TENM3: variants seen among roughly 807,000 people sequenced by gnomAD.
The protein encoded by TENM3 is teneurin-3.
A neutral mutation model predicts 255.1 loss-of-function variants in TENM3; 63 were observed. That is an observed-to-expected ratio of 0.25 (90% CI 0.20 to 0.30). The LOEUF (loss-of-function observed/expected upper bound fraction) is 0.30, where lower values mean the gene tolerates loss of function less well. TENM3 is among the 10% of genes least tolerant of loss of function. The pLI is 1.00. For synonymous variants in TENM3, 1,306 were observed against 1,322.3 expected (o/e 0.99, Z 0.27); for missense variants, 2,929 against 3,461.1 (o/e 0.85, Z 3.86).
In TENM3 at chr4:182,748,315, G is replaced by A. The variant is rs145059684; in HGVS notation, c.3630-3485G>A. 3.8e-3 allele frequency among the ~76,000 whole-genome samples: 579 copies of A among 152,196 alleles called. 7 individuals are homozygous for A. The highest frequency in any genetic ancestry group is 0.013 in the African/African-American group (550 of 41,520). On this transcript the variant is annotated intron_variant, in intron 19 of 27. Coordinates refer to ENST00000511685, the MANE Select transcript of TENM3 (RefSeq NM_001080477.4). ...CACATGAGAATGCTGCTGTGCTTCCGCTCAGCAGAGATTTCCCAAAACCAA... is the reference window on the plus strand; with the variant it reads ...CACATGAGAATGCTGCTGTGCTTCCACTCAGCAGAGATTTCCCAAAACCAA...
the TENM3 span, among the ~76,000 whole-genome samples, chr4:181,840,465 G>A: frequency 6.6e-6 from 1 of 152,054 alleles, no homozygotes; most frequent in Non-Finnish European, 1.5e-5. Context: ...AGCACTACCA[G>A]TCTGAGTCTA....
At chr4:182,535,689 A>G (rs1224291902) in intron 3 of TENM3, among the ~76,000 whole-genome samples, 1 of 151,948 alleles carries the variant, frequency 6.6e-6, no homozygotes, top group Non-Finnish European at 1.5e-5. Context: ...GAAGTGAGCT[A>G]TGATCGCGCC....
At chr4:182,143,190 C>G (rs1749599646), upstream of TENM3, 1 of 167,196 alleles carries the variant, frequency 6.0e-6, no homozygotes, top group Admixed American at 6.5e-5. This position sits in a 1 kb window ranked among gnomAD's most constrained non-coding sequence, Gnocchi z 4.3. Context: ...GGGAGTGGAG[C>G]CTTCGGAGGA....
the TENM3 span, among the ~76,000 whole-genome samples, chr4:181,488,683 G>A: frequency 6.6e-6 from 1 of 151,788 alleles, no homozygotes; most frequent in African/African-American, 2.4e-5. Context: ...CAAATTTCTC[G>A]GTAAGTCGGC....
At chr4:182,766,393 CA>C in intron 22 of TENM3, among the ~76,000 whole-genome samples, 1 of 152,084 alleles carries the variant, frequency 6.6e-6, no homozygotes. Flanking sequence ...AAAAAAAAGA[CA>C]GACTGTCTTA....
At chr4:182,475,634 A>G (rs1031894768) in intron 3 of TENM3, among the ~76,000 whole-genome samples, 1 of 152,372 alleles carries the variant, frequency 6.6e-6, no homozygotes, top group Admixed American at 6.5e-5. Flanking sequence ...CAGAACATCT[A>G]TCTGCATACA....
intron 3 of TENM3, among the ~76,000 whole-genome samples, chr4:182,390,136 C>T (rs1182656343): frequency 1.3e-5 from 2 of 152,074 alleles, no homozygotes; most frequent in East Asian, 3.9e-4. Context: ...AAGGGGATCC[C>T]GGGTGGGTCA....
intron 7 of TENM3, among the ~76,000 whole-genome samples, chr4:182,673,690 G>A (rs754381471): frequency 2.0e-5 from 3 of 152,158 alleles, no homozygotes; most frequent in African/African-American, 4.8e-5. Context: ...ATGATGACAT[G>A]AGCTTTATCA....
chr4:181,669,558 TC>T, the TENM3 span, among the ~76,000 whole-genome samples: 92 of 152,296 alleles, frequency 6.0e-4, 3 homozygotes, highest in South Asian at 0.018. Context: ...AAGGAGGGTT[TC>T]TTCCCCTTCT....
the TENM3 span, among the ~76,000 whole-genome samples, chr4:182,086,751 C>G: frequency 6.6e-6 from 1 of 152,120 alleles, no homozygotes; most frequent in South Asian, 2.1e-4. Flanking sequence ...CTTTTGTTTT[C>G]TTTTTGGTTT....
chr4:181,470,125 A>AAAAAAAAAAAAAAAACTT, the TENM3 span, among the ~76,000 whole-genome samples: 1 of 150,564 alleles, frequency 6.6e-6, no homozygotes, highest in African/African-American at 2.4e-5. Context: ...AAAAAAAAAA[A>AAAAAAAAAAAAAAAACTT]CATTATTCAA....
At chr4:182,001,801 C>CT in the TENM3 span, among the ~76,000 whole-genome samples, 14 of 151,964 alleles carry the variant, frequency 9.2e-5, 1 homozygote, top group South Asian at 2.9e-3. Context: ...GAAAAATGGC[C>CT]TTTTTTCTAA....
intron 22 of TENM3, among the ~76,000 whole-genome samples, chr4:182,759,556 G>A (rs911829989): frequency 2.6e-5 from 4 of 152,138 alleles, no homozygotes; most frequent in Non-Finnish European, 1.5e-5. Flanking sequence ...ATAAAATAAG[G>A]ACTTCCTCAG....
At chr4:182,542,712 C>T (rs536236375) in intron 3 of TENM3, among the ~76,000 whole-genome samples, 10 of 152,130 alleles carry the variant, frequency 6.6e-5, no homozygotes, top group Admixed American at 5.2e-4. Flanking sequence ...TCGGATTCAC[C>T]TTGTTTTTGG....
intron 24 of TENM3, among the ~76,000 whole-genome samples, chr4:182,776,107 A>G (rs985153545): frequency 6.6e-6 from 1 of 152,162 alleles, no homozygotes; most frequent in African/African-American, 2.4e-5. Context: ...CAAATGAGAT[A>G]ATGTGAAAGT....
chr4:181,467,561 A>T, the TENM3 span, among the ~76,000 whole-genome samples: 2 of 152,162 alleles, frequency 1.3e-5, no homozygotes, highest in African/African-American at 4.8e-5. Context: ...ATGGTACAAA[A>T]ATAATTAAAT....
intron 3 of TENM3, among the ~76,000 whole-genome samples, chr4:182,351,219 A>G (rs1295975068): frequency 6.6e-6 from 1 of 152,186 alleles, no homozygotes; most frequent in Non-Finnish European, 1.5e-5. Context: ...TCAAGGAAAT[A>G]AGAACCAGAA....
chr4:181,575,476 A>C, the TENM3 span, among the ~76,000 whole-genome samples: 1 of 152,160 alleles, frequency 6.6e-6, no homozygotes, highest in Non-Finnish European at 1.5e-5. Flanking sequence ...AAATGGTACC[A>C]CTGAAAAAAA....
At chr4:182,556,243 G>A (rs191628616) in intron 3 of TENM3, among the ~76,000 whole-genome samples, 4 of 152,284 alleles carry the variant, frequency 2.6e-5, no homozygotes, top group East Asian at 1.9e-4. Flanking sequence ...CATTTACTTC[G>A]GTTGGCTGAG....
Sources: allele counts gnomAD v4.1 joint callset (sites outside exome capture counted in the v4.1 genomes callset), GRCh38; gene constraint gnomAD v4.1.1; non-coding constraint Gnocchi (gnomAD v3.1); transcripts MANE v1.5; gene names NCBI Gene and HGNC (gene_info 2026-07-23, HGNC 2026-07-21).